ZSCAN25: variants seen among roughly 807,000 people sequenced by gnomAD.
ZSCAN25 encodes zinc finger and SCAN domain-containing protein 25.
ZSCAN25 carries 27 observed loss-of-function variants against 38.7 expected under a neutral mutation model. That is an observed-to-expected ratio of 0.70 (90% CI 0.51 to 0.96). The LOEUF is 0.96. Ranked by LOEUF, ZSCAN25 falls within the 40% of genes least tolerant of loss-of-function variation. The pLI, the probability that ZSCAN25 is intolerant of heterozygous loss-of-function variation, is 0.00. For missense variants in ZSCAN25, 637 were observed against 705.9 expected, an observed-to-expected ratio of 0.90 and a Z score of 1.11; for synonymous variants, 273 against 277.7, an observed-to-expected ratio of 0.98 and a Z score of 0.17.
chr7:99,735,167 G>A, the ZSCAN25 span: 7 of 1,589,034 alleles, frequency 4.4e-6, no homozygotes, highest in East Asian at 1.4e-4. Flanking sequence ...TGGGCTGTGT[G>A]TGTGGAGCTT....
At chr7:99,707,700 C>A in the ZSCAN25 span, 1 of 1,524,936 alleles carries the variant, frequency 6.6e-7, no homozygotes, top group Non-Finnish European at 8.9e-7. Flanking sequence ...ATTCCTTGGC[C>A]CATAGAACAA....
At chr7:99,722,302 A>C in the ZSCAN25 span, 1 of 1,613,588 alleles carries the variant, frequency 6.2e-7, no homozygotes, top group Non-Finnish European at 8.5e-7. Flanking sequence ...TCACCCCCAG[A>C]CTTTTCTATA....
chr7:99,648,958 G>A, the ZSCAN25 span, among the ~76,000 whole-genome samples: 36 of 152,116 alleles, frequency 2.4e-4, no homozygotes, highest in Admixed American at 1.2e-3. Context: ...GCTTCCAAGC[G>A]TAGTGCAAAC....
the ZSCAN25 span, chr7:99,660,534 G>A: frequency 2.4e-5 from 38 of 1,613,618 alleles, no homozygotes; most frequent in Non-Finnish European, 3.2e-5. Flanking sequence ...TCCTTTTGCA[G>A]TTTCTGCTGG....
intron 5 of ZSCAN25, 174 bp downstream of exon 5, chr7:99,621,748 C>G (rs1196105596): frequency 2.2e-6 from 1 of 461,110 alleles, no homozygotes; most frequent in Non-Finnish European, 3.6e-6. Context: ...TGTTTCTTCT[C>G]CCTTTACCCT....
the ZSCAN25 span, chr7:99,652,717 TG>T: frequency 4.3e-6 from 7 of 1,613,974 alleles, no homozygotes; most frequent in Non-Finnish European, 5.9e-6. Context: ...ATAATCTGAG[TG>T]TTTCATTCAC....
At chr7:99,737,954 C>G in the ZSCAN25 span, among the ~76,000 whole-genome samples, 1 of 152,180 alleles carries the variant, frequency 6.6e-6, no homozygotes, top group Non-Finnish European at 1.5e-5. Context: ...AAGGAAGATA[C>G]TATGCATTGG....
At chr7:99,668,243 A>T in the ZSCAN25 span, among the ~76,000 whole-genome samples, 1 of 152,256 alleles carries the variant, frequency 6.6e-6, no homozygotes, top group Non-Finnish European at 1.5e-5. Flanking sequence ...CAGGACCTCT[A>T]TGCTGAAAAC....
At chr7:99,653,691 C>T in the ZSCAN25 span, among the ~76,000 whole-genome samples, 1 of 152,206 alleles carries the variant, frequency 6.6e-6, no homozygotes, top group Middle Eastern at 3.4e-3. The surrounding 1 kb of genome is among the most constrained non-coding windows in gnomAD (Gnocchi z 4.2). Context: ...TGTAAATGTC[C>T]CTTTGTGTCT....
chr7:99,684,641 T>C, the ZSCAN25 span, among the ~76,000 whole-genome samples: 1 of 152,226 alleles, frequency 6.6e-6, no homozygotes, highest in Admixed American at 6.5e-5. Context: ...TTCAGTTCTA[T>C]AGATTTCTCC....
chr7:99,666,453 T>C, the ZSCAN25 span: 3 of 807,486 alleles, frequency 3.7e-6, no homozygotes, highest in Admixed American at 6.6e-5. Context: ...TGGGAGCCAC[T>C]CCCTCTTAGG....
the ZSCAN25 span, among the ~76,000 whole-genome samples, chr7:99,727,795 T>A: frequency 6.6e-6 from 1 of 152,280 alleles, no homozygotes; most frequent in South Asian, 2.1e-4. Context: ...GGACTACACA[T>A]CAATATTTAT....
chr7:99,660,482 A>G, the ZSCAN25 span: 5 of 1,594,606 alleles, frequency 3.1e-6, no homozygotes, highest in Non-Finnish European at 4.3e-6. Flanking sequence ...CTTCATCTCC[A>G]GGGGTCATCC....
the ZSCAN25 span, among the ~76,000 whole-genome samples, chr7:99,706,829 G>T: frequency 6.6e-6 from 1 of 152,212 alleles, no homozygotes; most frequent in African/African-American, 2.4e-5. Flanking sequence ...TTTACCAAAT[G>T]ACCAAATGCT....
the ZSCAN25 span, among the ~76,000 whole-genome samples, chr7:99,699,761 T>G: frequency 0.02 from 3,085 of 152,258 alleles, 98 homozygotes; most frequent in African/African-American, 0.068. Flanking sequence ...TCACCAAAAT[T>G]AGAAGGTGGC....
the ZSCAN25 span, among the ~76,000 whole-genome samples, chr7:99,726,852 G>A: frequency 1.2e-4 from 19 of 152,074 alleles, no homozygotes; most frequent in African/African-American, 2.7e-4. Flanking sequence ...TTCTCCATCC[G>A]TTACGTACCT....
the ZSCAN25 span, among the ~76,000 whole-genome samples, chr7:99,693,837 C>A: frequency 6.6e-6 from 1 of 152,188 alleles, no homozygotes; most frequent in Non-Finnish European, 1.5e-5. Flanking sequence ...CCTATTCGGC[C>A]ATCTTGGAAA....
chr7:99,647,474 T>C, the ZSCAN25 span: 1 of 985,142 alleles, frequency 1.0e-6, no homozygotes, highest in Non-Finnish European at 1.2e-6. Context: ...TATTCAGTGT[T>C]CATTGCATTA....
the ZSCAN25 span, chr7:99,648,398 G>T: frequency 6.4e-7 from 1 of 1,562,712 alleles, no homozygotes; most frequent in Non-Finnish European, 8.7e-7. Context: ...ATTTCAAGGG[G>T]ATCTACAATA....
Sources: gnomAD v4.1 joint callset for allele counts (sites outside exome capture counted in the v4.1 genomes callset) on GRCh38, gnomAD v4.1.1 for gene constraint, Gnocchi (gnomAD v3.1) non-coding constraint, MANE v1.5 for transcripts, NCBI Gene and HGNC (gene_info 2026-07-23, HGNC 2026-07-21) for gene names.